LRCH3: variants seen among roughly 807,000 people sequenced by gnomAD.
LRCH3 encodes leucine rich repeats and calponin homology domain containing 3.
In LRCH3, 68 loss-of-function variants were observed where a neutral mutation model predicts 104.5. The observed-to-expected ratio is 0.65, with a 90% CI of 0.54 to 0.80. The LOEUF (loss-of-function observed/expected upper bound fraction) is 0.80. Ranked by LOEUF, LRCH3 falls within the 30% of genes least tolerant of loss-of-function variation. The pLI is 0.00. For missense variants in LRCH3, 951 were observed against 953.9 expected, an observed-to-expected ratio of 1.00 and a Z score of 0.04; for synonymous variants, 344 against 361.3, an observed-to-expected ratio of 0.95 and a Z score of 0.54.
chr3:197,802,068 C>T (rs76715180), intron 1 of LRCH3, among the ~76,000 whole-genome samples: 2,582 of 152,294 alleles, frequency 0.017, 42 homozygotes, highest in Middle Eastern at 0.061. Context: ...AAACACTTCT[C>T]GTGCTTCCAG....
intron 17 of LRCH3, among the ~76,000 whole-genome samples, chr3:197,868,174 T>G (rs1023701111): frequency 6.6e-6 from 1 of 152,250 alleles, no homozygotes; most frequent in Non-Finnish European, 1.5e-5. Context: ...CCACAGATTC[T>G]GTATTTATGG....
chr3:197,792,147 G>C (rs1030912098), intron 1 of LRCH3, among the ~76,000 whole-genome samples: 9 of 151,708 alleles, frequency 5.9e-5, no homozygotes, highest in African/African-American at 2.2e-4. Flanking sequence ...AAGTGAACCC[G>C]AACGCTGGAA....
chr3:197,833,292 G>T (rs1197187864), intron 8 of LRCH3, among the ~76,000 whole-genome samples: 3 of 150,234 alleles, frequency 2.0e-5, no homozygotes, highest in African/African-American at 7.4e-5. Context: ...GGTTGAGGCG[G>T]GTGGATCACT....
At chr3:197,800,808 T>C (rs150195917) in intron 1 of LRCH3, among the ~76,000 whole-genome samples, 3 of 152,198 alleles carry the variant, frequency 2.0e-5, no homozygotes, top group African/African-American at 7.2e-5. Flanking sequence ...TGTGTGAAAA[T>C]GAGCTGGCCA....
rs1292653879 is a variant in LRCH3, at chr3:197,888,282, G to T, written c.*4616G>T. ...AAACATGTAATTAGTGAAAGATTTT[G>T]TAAAACATTGTCCTGTATTTTTGTC... On this transcript the variant is annotated 3_prime_UTR_variant, in exon 21 of 21. Transcript: ENST00000425562. 6.6e-6 allele frequency: 1 copy of T among 152,206 alleles called. No homozygotes were observed. The highest frequency in any genetic ancestry group is 1.9e-4 in the East Asian group (1 of 5,206). The allele number at this position is 152,206 out of a possible 1,614,324, so 9.4% of individuals were successfully genotyped here.
intron 2 of LRCH3, among the ~76,000 whole-genome samples, chr3:197,816,882 A>G (rs1013623320): frequency 6.6e-6 from 1 of 152,154 alleles, no homozygotes; most frequent in African/African-American, 2.4e-5. Flanking sequence ...TTTATGTAGT[A>G]CCTCATTATT....
At chr3:197,827,560 T>G (rs1348817325) in intron 5 of LRCH3, among the ~76,000 whole-genome samples, 1 of 152,244 alleles carries the variant, frequency 6.6e-6, no homozygotes, top group Admixed American at 6.5e-5. Flanking sequence ...TTAAAATGGA[T>G]TCACATACAT....
chr3:197,866,020 G>T, intron 16 of LRCH3, 92 bp from the exon 17 acceptor site: 1 of 916,714 alleles, frequency 1.1e-6, no homozygotes, highest in South Asian at 1.4e-5. Flanking sequence ...TCATTGCCAT[G>T]TTTATTTTTT....
chr3:197,832,437 ACTT>A, intron 8 of LRCH3, 120 bp downstream of exon 8: 1 of 933,804 alleles, frequency 1.1e-6, no homozygotes, highest in Non-Finnish European at 1.5e-6. Context: ...TCTTTTAAAG[ACTT>A]CTTTTCATAT....
intron 7 of LRCH3, among the ~76,000 whole-genome samples, 176 bp from the exon 8 acceptor site, chr3:197,832,021 C>T (rs1410929709): frequency 2.6e-5 from 4 of 152,138 alleles, no homozygotes; most frequent in African/African-American, 7.2e-5. Context: ...CTGAAGCGAT[C>T]GTCTCGCCTC....
chr3:197,814,964 C>G lies in LRCH3; in HGVS notation c.319C>G (p.Leu107Val). The part of the protein sequence containing the change: ...IPIEACHFVS[L>V]ENLNLYQNCI... ...TATAGAAGCATGTCACTTTGTTTCT[C>G]TGGAAAATCTCAACTTGTACCAAAA... The change falls in exon 2 of 21, where the codon CTG becomes GTG. Residue 107 changes from leucine (L) to valine (V), a missense_variant. Transcript: ENST00000425562. The G allele has an allele frequency of 6.2e-7, 1 of 1,602,182 alleles. No individual in the cohort carries two copies. The highest frequency in any genetic ancestry group is 8.5e-7 in the Non-Finnish European group (1 of 1,174,940).
chr3:197,827,597 A>G (rs1421573188), intron 5 of LRCH3, among the ~76,000 whole-genome samples: 3 of 152,256 alleles, frequency 2.0e-5, no homozygotes. Context: ...CCTTGAATTA[A>G]TGGATTAGAA....
In LRCH3 at chr3:197,883,754, C is replaced by A; in HGVS notation, c.*88C>A. 1.4e-6 allele frequency: 2 copies of A among 1,394,642 alleles called. No homozygotes were observed. Among genetic ancestry groups the A allele is most frequent in the Non-Finnish European group, 1.9e-6 (2 of 1,052,714 alleles). 86.4% of individuals were successfully genotyped at this position (1,394,642 alleles called of 1,614,324 possible). A position where few individuals can be genotyped will look rare whatever the true frequency, so the allele number is the denominator to read the frequency against. ...CTGCCAGCTGTCTGCTTAAACAAAG[C>A]TCTTGTGTGTTCTCAGAAGGGACCG... On this transcript the variant is annotated 3_prime_UTR_variant, in exon 21 of 21. Transcript: ENST00000425562. This position sits in a 1 kb window ranked among gnomAD's most constrained non-coding sequence, Gnocchi z 4.2.
At chr3:197,824,280 G>T (rs186276061) in intron 4 of LRCH3, among the ~76,000 whole-genome samples, 1 of 150,568 alleles carries the variant, frequency 6.6e-6, no homozygotes, top group East Asian at 2.0e-4. Context: ...GGTCAGGCTG[G>T]TCTCGAACCC....
At chr3:197,865,296 C>T in intron 15 of LRCH3, 127 bp from the exon 16 acceptor site, 2 of 602,818 alleles carry the variant, frequency 3.3e-6, no homozygotes, top group Non-Finnish European at 5.7e-6. Flanking sequence ...CCCAAATTCT[C>T]ACCTCTAGAC....
chr3:197,817,731 A>G (rs993466873), intron 3 of LRCH3, among the ~76,000 whole-genome samples: 2 of 152,192 alleles, frequency 1.3e-5, no homozygotes, highest in East Asian at 1.9e-4. Context: ...TGGCACTACA[A>G]AGGTCAGGTT....
rs1332946237 is a variant in LRCH3 at position 197,810,346 on chromosome 3, T to A, written c.263-4562T>A. ...TTATTTTTGTATTTTAGAAATGGGG[T>A]TTCACCATGTTGGCCAGGCTGGTCT... On this transcript the variant is annotated intron_variant, in intron 1 of 20. Transcript: ENST00000425562. This position sits in a 1 kb window ranked among gnomAD's most constrained non-coding sequence, Gnocchi z 4.0. Among the ~76,000 whole-genome samples the A allele has an allele frequency of 6.6e-6, 1 of 152,030 alleles. No individual in the cohort carries two copies. The highest frequency in any genetic ancestry group is 1.5e-5 in the Non-Finnish European group (1 of 68,008).
In LRCH3 at chr3:197,887,853, G is replaced by C. The variant is rs1371987083; in HGVS notation, c.*4187G>C. On this transcript the variant is annotated 3_prime_UTR_variant, in exon 21 of 21. Coordinates refer to ENST00000425562, the MANE Select transcript of LRCH3 (RefSeq NM_001365715.1). Reference sequence around the variant, plus strand: ...CGGGTTGAGAGCCACCCCCAGCAGAGCCCTTGCCACGTACAGAGATTTTCT... The same window carrying C: ...CGGGTTGAGAGCCACCCCCAGCAGACCCCTTGCCACGTACAGAGATTTTCT... 6.5e-6 allele frequency: 1 copy of C among 154,528 alleles called. No individual in the cohort carries two copies. The highest frequency in any genetic ancestry group is 2.4e-5 in the African/African-American group (1 of 41,488). 9.6% of individuals were successfully genotyped at this position (154,528 alleles called of 1,614,324 possible). A position where few individuals can be genotyped will look rare whatever the true frequency, so the allele number is the denominator to read the frequency against.
At chr3:197,880,008 C>A (rs183245077) in intron 20 of LRCH3, among the ~76,000 whole-genome samples, 2 of 148,566 alleles carry the variant, frequency 1.3e-5, no homozygotes, top group South Asian at 2.1e-4. Flanking sequence ...TGCGGTGGCG[C>A]GATCTCGGCT....
Sources: allele counts gnomAD v4.1 joint callset (sites outside exome capture counted in the v4.1 genomes callset), GRCh38; gene constraint gnomAD v4.1.1; non-coding constraint Gnocchi (gnomAD v3.1); transcripts MANE v1.5; gene names NCBI Gene and HGNC (gene_info 2026-07-23, HGNC 2026-07-21).